Variants in RCC1 observed in about 807,000 individuals in gnomAD.
RCC1 encodes regulator of chromosome condensation.
In RCC1, 11 loss-of-function variants were observed where a neutral mutation model predicts 44.4. The ratio of observed to expected loss-of-function variants is 0.25; its 90% CI spans 0.16 to 0.41. The LOEUF (loss-of-function observed/expected upper bound fraction) is 0.41, where lower values mean the gene tolerates loss of function less well. Ranked by LOEUF, RCC1 falls within the 10% of genes least tolerant of loss-of-function variation. The pLI is 1.00. For missense variants in RCC1, 386 were observed against 547.1 expected (o/e 0.71, Z 2.94); for synonymous variants, 213 against 216.5 (o/e 0.98, Z 0.14).
intron 3 of RCC1, among the ~76,000 whole-genome samples, chr1:28,511,853 C>T (rs955148256): frequency 2.7e-5 from 4 of 150,808 alleles, no homozygotes; most frequent in Admixed American, 6.6e-5. Flanking sequence ...TTAGTAGAGA[C>T]GGGTTTCACC....
chr1:28,525,578 G>T (rs1308979904), intron 4 of RCC1, among the ~76,000 whole-genome samples: 1 of 152,128 alleles, frequency 6.6e-6, no homozygotes, highest in Non-Finnish European at 1.5e-5. Context: ...TTTTTAGTGT[G>T]GGACAAGGGG....
chr1:28,530,688 G>A (rs2124653917), intron 5 of RCC1: 4 of 1,313,360 alleles, frequency 3.0e-6, no homozygotes, highest in Non-Finnish European at 4.1e-6. Context: ...CCTCGGGGGA[G>A]GGGCTGGGCG....
In RCC1 at chr1:28,536,923, G is replaced by T. The variant is rs754597882; in HGVS notation, c.1090+24G>T. On this transcript the variant is annotated intron_variant, in intron 12 of 12. Coordinates refer to ENST00000683442, the MANE Select transcript of RCC1 (RefSeq NM_001381865.2). The surrounding 1 kb of genome is among the most constrained non-coding windows in gnomAD (Gnocchi z 4.9). ...TGGTGAGTGGGGCTGCCTACACTCT[G>T]TCTAGTTGGGACCTGGGGGTCATGG... 18 of 1,612,998 alleles carry T rather than the reference G, an allele frequency of 1.1e-5. No homozygotes were observed. In the Admixed American group the frequency reaches 3.0e-4, roughly 27 times the overall value.
At chr1:28,530,451 G>A in intron 5 of RCC1, 10 of 1,391,876 alleles carry the variant, frequency 7.2e-6, no homozygotes, top group Non-Finnish European at 9.9e-6. Flanking sequence ...GGGACAGGGA[G>A]GAGAGAAAAG....
Position 28,536,669 on chromosome 1 carries a change from T to G in RCC1, c.938-78T>G, listed in dbSNP as rs1178722634. ...GCAGGGACACACTCCCATGGACAGG[T>G]GGACTCACCTAGCCTGCCACCCATT... is the stretch of plus-strand genomic sequence containing the variant. On this transcript the variant is annotated intron_variant, in intron 11 of 12. Transcript: ENST00000683442. This position sits in a 1 kb window ranked among gnomAD's most constrained non-coding sequence, Gnocchi z 4.9. 2.0e-6 allele frequency: 3 copies of G among 1,528,008 alleles called. No homozygotes were observed. Among genetic ancestry groups the G allele is most frequent in the Non-Finnish European group, 2.7e-6 (3 of 1,117,506 alleles). 94.7% of individuals were successfully genotyped at this position (1,528,008 alleles called of 1,614,324 possible).
rs561736692 is a variant in RCC1 at position 28,511,596 on chromosome 1, C to T, written c.-153+2691C>T. Among the ~76,000 whole-genome samples the T allele has an allele frequency of 4.6e-5, 7 of 151,872 alleles. No homozygotes were observed. The South Asian group carries it at 1.0e-3, about 23-fold the overall frequency. The stretch of plus-strand genomic sequence containing the variant: ...ATGTTAGCCAGGAAGGTCTCCATCT[C>T]CTGACCTCGTGATCCGCCCACCTCG... On this transcript the variant is annotated intron_variant, in intron 3 of 12. Transcript: ENST00000683442.
At chr1:28,527,111 A>G (rs1444522678) in intron 4 of RCC1, 4 of 1,134,406 alleles carry the variant, frequency 3.5e-6, no homozygotes, top group Non-Finnish European at 5.3e-6. Context: ...TGTTTGTCAA[A>G]CTTGTTCTTC....
chr1:28,513,551 C>G (rs1557868455), intron 3 of RCC1, among the ~76,000 whole-genome samples: 1 of 151,396 alleles, frequency 6.6e-6, no homozygotes, highest in Non-Finnish European at 1.5e-5. Context: ...GTATGACAGT[C>G]TATGTCTTTT....
At position 28,506,078 on chromosome 1, in the gene RCC1, C is replaced by CTCCTTGGTAAGTGTGA; in HGVS notation, c.-262+13_-262+28dup. ...GACAGATTCGCAGTGGTCGCTTCTTCTCCTTGGTAAGTGTGATCCTTGGTA... is the reference window on the plus strand; with the variant it reads ...GACAGATTCGCAGTGGTCGCTTCTTCTCCTTGGTAAGTGTGATCCTTGGTAAGTGTGATCCTTGGTA... On this transcript the variant is annotated 5_prime_UTR_variant, in exon 1 of 13. Transcript: ENST00000683442. The CTCCTTGGTAAGTGTGA allele has an allele frequency of 2.2e-6, 1 of 455,936 alleles. No homozygotes were observed. Among genetic ancestry groups the CTCCTTGGTAAGTGTGA allele is most frequent in the African/African-American group, 2.0e-5 (1 of 50,076 alleles). 28.2% of individuals were successfully genotyped at this position (455,936 alleles called of 1,614,324 possible).
chr1:28,530,716 C>A, intron 5 of RCC1: 1 of 980,868 alleles, frequency 1.0e-6, no homozygotes, highest in Non-Finnish European at 1.5e-6. Flanking sequence ...CTGCCCGGGG[C>A]TGCGGGTTGG....
At chr1:28,535,660 A>C (rs1043034996) in intron 9 of RCC1, 3 of 755,884 alleles carry the variant, frequency 4.0e-6, no homozygotes, top group Non-Finnish European at 2.3e-6. Context: ...GCAGATGGTA[A>C]GTTCCACGTA....
intron 7 of RCC1, chr1:28,532,747 G>C (rs918275509): frequency 8.6e-6 from 4 of 467,408 alleles, no homozygotes; most frequent in Non-Finnish European, 1.7e-5. Context: ...TCGCATCTCA[G>C]AGTTTCCAAG....
chr1:28,518,115 C>G (rs1178469549), intron 4 of RCC1: 3 of 149,976 alleles, frequency 2.0e-5, no homozygotes, highest in Admixed American at 2.0e-4. Flanking sequence ...AAGGGCTCCC[C>G]CAGCCCGGCC....
In RCC1 at chr1:28,516,880, G is replaced by A. The variant is rs1662927504; in HGVS notation, c.-10+13G>A. On this transcript the variant is annotated intron_variant, in intron 4 of 12. Coordinates refer to ENST00000683442, the MANE Select transcript of RCC1 (RefSeq NM_001381865.2). ...TAAACTTGGAGAGGTAAGAAACCCT[G>A]AAGACAGGGGAGTGCTTTGTGGCAG... 1 of 456,440 alleles carries A rather than the reference G, an allele frequency of 2.2e-6. No homozygotes were observed. Among genetic ancestry groups the A allele is most frequent in the Non-Finnish European group, 4.4e-6 (1 of 226,896 alleles). 28.3% of individuals were successfully genotyped at this position (456,440 alleles called of 1,614,324 possible).
chr1:28,512,287 C>T (rs951089889), intron 3 of RCC1, among the ~76,000 whole-genome samples: 12 of 141,936 alleles, frequency 8.5e-5, no homozygotes, highest in African/African-American at 3.1e-4. Context: ...CCTAAGGATC[C>T]ACAATGGCCT....
Position 28,525,806 on chromosome 1 carries a change from G to T in RCC1, c.-9-4052G>T, listed in dbSNP as rs1570196662. Reference sequence around the variant, plus strand: ...TCAGCAGAAAAGTGCCTGGCCTTGTGTCCATATACCATGGAGGGGAGAGCT... The same window carrying T: ...TCAGCAGAAAAGTGCCTGGCCTTGTTTCCATATACCATGGAGGGGAGAGCT... On this transcript the variant is annotated intron_variant, in intron 4 of 12. Transcript: ENST00000683442. Among the ~76,000 whole-genome samples, 4 of 152,240 alleles carry T rather than the reference G, an allele frequency of 2.6e-5. No homozygotes were observed. The South Asian group carries it at 8.3e-4, about 32-fold the overall frequency.
rs775522858 is a variant in RCC1, at chr1:28,535,962, C to T, written c.753C>T (p.Phe251=). The change falls in exon 10 of 13, where the codon TTC becomes TTT. Residue 251 remains phenylalanine, a synonymous_variant. Transcript: ENST00000683442. ...RFQDAFCGAY[F]TFAISHEGHV... is the part of the protein sequence containing the mutation. ...AGGATGCCTTTTGTGGTGCCTATTT[C>T]ACCTTTGCCATCTCCCATGAGGGCC... 3 of 1,614,144 alleles carry T rather than the reference C, an allele frequency of 1.9e-6. No homozygotes were observed. The highest frequency in any genetic ancestry group is 2.2e-5 in the South Asian group (2 of 91,080).
intron 4 of RCC1, chr1:28,527,045 G>A: frequency 1.2e-6 from 1 of 822,288 alleles, no homozygotes; most frequent in East Asian, 2.4e-5. Context: ...GACATCAGGT[G>A]CATGGTATGA....
intron 3 of RCC1, among the ~76,000 whole-genome samples, chr1:28,512,129 G>A (rs72885745): frequency 0.017 from 2,482 of 150,198 alleles, 62 homozygotes; most frequent in African/African-American, 0.056. Context: ...CGCCTGCACC[G>A]CACCCGGCTA....
Sources: allele counts gnomAD v4.1 joint callset (sites outside exome capture counted in the v4.1 genomes callset), GRCh38; gene constraint gnomAD v4.1.1; non-coding constraint Gnocchi (gnomAD v3.1); transcripts MANE v1.5; gene names NCBI Gene and HGNC (gene_info 2026-07-23, HGNC 2026-07-21).